RRP1B: variants seen among roughly 807,000 people sequenced by gnomAD.
RRP1B encodes ribosomal RNA processing 1B.
A neutral mutation model predicts 80.2 loss-of-function variants in RRP1B; 56 were observed. The ratio of observed to expected loss-of-function variants is 0.70; its 90% CI spans 0.56 to 0.87. RRP1B has a LOEUF of 0.87. Ranked by LOEUF, RRP1B falls within the 40% of genes least tolerant of loss-of-function variation. RRP1B has a pLI of 0.00. For synonymous variants in RRP1B, 351 were observed against 357.6 expected (o/e 0.98, Z 0.21); for missense variants, 807 against 939.8 (o/e 0.86, Z 1.85).
chr21:43,664,346 AAAAAG>A (rs2082970031), intron 1 of RRP1B, among the ~76,000 whole-genome samples: 3 of 149,326 alleles, frequency 2.0e-5, no homozygotes, highest in African/African-American at 7.4e-5. Context: ...AAAAAAAAAG[AAAAAG>A]AAAAAAGGGA....
chr21:43,659,779 A>C lies in RRP1B; in HGVS notation c.115A>C (p.Thr39Pro), dbSNP rs1296423650. ...KKLRQYISVK[T>P]QRETGGFSQE... The stretch of plus-strand genomic sequence containing the variant: ...GCTGCGCCAGTACATCAGCGTGAAG[A>C]CGCAGAGGGAGACAGGTGGGCGCAC... The change falls in exon 1 of 16, where the codon ACG (threonine) becomes CCG (proline). Residue 39 changes from threonine (T) to proline (P), a missense_variant. Thr to Pro is a conservative substitution (Grantham distance 38). Transcript: ENST00000340648. This position sits in a 1 kb window ranked among gnomAD's most constrained non-coding sequence, Gnocchi z 4.2. The C allele has an allele frequency of 2.0e-6, 3 of 1,513,074 alleles. No homozygotes were observed. Among genetic ancestry groups the C allele is most frequent in the African/African-American group, 2.9e-5 (2 of 69,964 alleles). 93.7% of individuals were successfully genotyped at this position (1,513,074 alleles called of 1,614,324 possible).
chr21:43,679,164 G>C (rs2083033554), intron 8 of RRP1B, among the ~76,000 whole-genome samples: 1 of 151,288 alleles, frequency 6.6e-6, no homozygotes, highest in Admixed American at 6.6e-5. Context: ...TGGCTTTATA[G>C]TATAGTTTGA....
At chr21:43,685,276 G>A (rs2083058712) in intron 10 of RRP1B, among the ~76,000 whole-genome samples, 1 of 152,150 alleles carries the variant, frequency 6.6e-6, no homozygotes, top group Non-Finnish European at 1.5e-5. Context: ...GCACAGGATG[G>A]TCCTAGCTTG....
chr21:43,692,887 G>A (rs1301430218), intron 15 of RRP1B, among the ~76,000 whole-genome samples: 2 of 152,128 alleles, frequency 1.3e-5, no homozygotes, highest in African/African-American at 4.8e-5. Context: ...TTCACTCATT[G>A]TCCAAAACAC....
In RRP1B at chr21:43,661,442, G is replaced by A. The variant is rs939640962; in HGVS notation, c.130+1648G>A. On this transcript the variant is annotated intron_variant, in intron 1 of 15. Transcript: ENST00000340648. ...CCCACCAGCCATTCAGATTCCAGCC[G>A]GACACACGGGATTGTCCTGGACTCC... 4.5e-4 allele frequency among the ~76,000 whole-genome samples: 68 copies of A among 152,176 alleles called. 1 individual carries two copies. The highest frequency in any genetic ancestry group is 2.7e-3 in the Admixed American group (41 of 15,278).
At chr21:43,690,168 G>A (rs912051881) in intron 13 of RRP1B, 120 bp from the exon 14 acceptor site, 82 of 1,148,110 alleles carry the variant, frequency 7.1e-5, no homozygotes, top group South Asian at 2.0e-4. Flanking sequence ...GCGGAAGACC[G>A]CGGGCCGTCG....
intron 9 of RRP1B, 40 bp downstream of exon 9, chr21:43,683,413 C>A: frequency 6.6e-7 from 1 of 1,511,672 alleles, no homozygotes; most frequent in Non-Finnish European, 9.2e-7. Context: ...TATAGATTTG[C>A]TGTGGAGTAG....
At chr21:43,668,249 G>T (rs1260015363) in intron 1 of RRP1B, among the ~76,000 whole-genome samples, 1 of 151,136 alleles carries the variant, frequency 6.6e-6, no homozygotes, top group Non-Finnish European at 1.5e-5. Flanking sequence ...TTATAAAATT[G>T]TTGATGGGAG....
At position 43,687,681 on chromosome 21, in the gene RRP1B, T is replaced by C. The variant is rs9306160; in HGVS notation, c.1307T>C (p.Leu436Pro). The change falls in exon 13 of 16, where the codon CTG (leucine) becomes CCG (proline). Residue 436 changes from leucine (L) to proline (P), a missense_variant. Physicochemically the swap from Leu to Pro is moderately conservative, Grantham distance 98 (BLOSUM62 -3). Transcript: ENST00000340648. ...NRGREPEASG[L>P]KALKARVAEP... The stretch of plus-strand genomic sequence containing the variant: ...GGCAGGGAGCCCGAGGCCTCTGGGC[T>C]GAAAGCCCTGAAGGCACGTGTGGCC... 0.63 allele frequency: 1,008,049 copies of C among 1,603,196 alleles called. 324,593 individuals carry two copies. The highest frequency in any genetic ancestry group is 0.93 in the African/African-American group (69,770 of 74,694).
At chr21:43,687,135 G>A (rs7281217) in intron 12 of RRP1B, among the ~76,000 whole-genome samples, 200 bp downstream of exon 12, 2 of 152,106 alleles carry the variant, frequency 1.3e-5, no homozygotes, top group Non-Finnish European at 2.9e-5. Flanking sequence ...ACCTCACCCC[G>A]CTCACGTCCG....
At chr21:43,687,495 G>C (rs1274981130) in intron 12 of RRP1B, 21 bp from the exon 13 acceptor site, 7 of 1,471,092 alleles carry the variant, frequency 4.8e-6, no homozygotes, top group Non-Finnish European at 6.3e-6. Flanking sequence ...GGTGCTTGTT[G>C]ATGGGTTTCT....
chr21:43,682,388 C>T (rs2083046934), intron 8 of RRP1B, among the ~76,000 whole-genome samples: 1 of 152,242 alleles, frequency 6.6e-6, no homozygotes, highest in African/African-American at 2.4e-5. Flanking sequence ...AGAAACAGTA[C>T]ACGTTTAAAA....
chr21:43,682,481 A>G (rs1285073002), intron 8 of RRP1B, among the ~76,000 whole-genome samples: 9 of 152,224 alleles, frequency 5.9e-5, no homozygotes, highest in Non-Finnish European at 1.2e-4. Context: ...TAAAAGTTGC[A>G]TTAATATTGA....
chr21:43,667,542 G>A (rs542910289), intron 1 of RRP1B, among the ~76,000 whole-genome samples: 16 of 152,204 alleles, frequency 1.1e-4, no homozygotes, highest in African/African-American at 3.6e-4. Context: ...CAAGTGAGCC[G>A]CCACGCCTGG....
At chr21:43,686,633 A>G in intron 11 of RRP1B, 171 bp from the exon 12 acceptor site, 1 of 709,252 alleles carries the variant, frequency 1.4e-6, no homozygotes, top group African/African-American at 1.8e-5. Flanking sequence ...GAAATCCACA[A>G]AGCTTTTTTA....
chr21:43,666,779 A>C (rs745747512), intron 1 of RRP1B, among the ~76,000 whole-genome samples: 2 of 152,128 alleles, frequency 1.3e-5, no homozygotes, highest in Non-Finnish European at 2.9e-5. Flanking sequence ...TTTTCTCATC[A>C]AATGTTTTTT....
chr21:43,662,421 C>G (rs1028163166), intron 1 of RRP1B, among the ~76,000 whole-genome samples: 4 of 152,200 alleles, frequency 2.6e-5, no homozygotes, highest in African/African-American at 9.7e-5. Context: ...CACAAGGTCT[C>G]CACCACAGCT....
chr21:43,676,007 T>C (rs896786668), intron 6 of RRP1B, among the ~76,000 whole-genome samples: 1 of 152,076 alleles, frequency 6.6e-6, no homozygotes, highest in Non-Finnish European at 1.5e-5. Flanking sequence ...GTGTTGTATA[T>C]GTTGGGCATA....
At chr21:43,661,427 A>G (rs1421964920) in intron 1 of RRP1B, among the ~76,000 whole-genome samples, 1 of 152,156 alleles carries the variant, frequency 6.6e-6, no homozygotes, top group East Asian at 1.9e-4. Flanking sequence ...CCCACCAGCC[A>G]TTCAGATTCC....
Sources: allele counts gnomAD v4.1 joint callset (sites outside exome capture counted in the v4.1 genomes callset), GRCh38; gene constraint gnomAD v4.1.1; non-coding constraint Gnocchi (gnomAD v3.1); transcripts MANE v1.5; gene names NCBI Gene and HGNC (gene_info 2026-07-23, HGNC 2026-07-21).